CTIF: variants seen among roughly 807,000 people sequenced by gnomAD.
The protein encoded by CTIF is CBP80/20-dependent translation initiation factor.
A neutral mutation model predicts 66.0 loss-of-function variants in CTIF; 21 were observed. The observed-to-expected ratio is 0.32, with a 90% CI of 0.23 to 0.46. The LOEUF (loss-of-function observed/expected upper bound fraction) is 0.46, where lower values mean the gene tolerates loss of function less well. Among genes scored for constraint, CTIF ranks in the 20% least tolerant of loss-of-function variants. The pLI is 1.00. For synonymous variants in CTIF, 345 were observed against 326.4 expected, an observed-to-expected ratio of 1.06 and a Z score of -0.62; for missense variants, 739 against 812.7, an observed-to-expected ratio of 0.91 and a Z score of 1.10.
At chr18:48,574,000 G>A (rs148522118) in intron 1 of CTIF, among the ~76,000 whole-genome samples, 39 of 152,310 alleles carry the variant, frequency 2.6e-4, no homozygotes, top group African/African-American at 9.4e-4. Context: ...CACCTTCCAC[G>A]GAGTGGAGTC....
At chr18:48,616,585 C>A (rs188688254) in intron 1 of CTIF, among the ~76,000 whole-genome samples, 3 of 152,298 alleles carry the variant, frequency 2.0e-5, no homozygotes, top group African/African-American at 7.2e-5. Context: ...TCTGAACCTC[C>A]GTTTTCTCTT....
intron 7 of CTIF, among the ~76,000 whole-genome samples, chr18:48,726,028 A>G (rs1177603682): frequency 4.6e-5 from 7 of 152,138 alleles, no homozygotes; most frequent in Non-Finnish European, 8.8e-5. Context: ...CACCTCTTTG[A>G]GGCATGTTGC....
At chr18:48,577,120 C>T (rs2089550503) in intron 1 of CTIF, among the ~76,000 whole-genome samples, 1 of 152,184 alleles carries the variant, frequency 6.6e-6, no homozygotes, top group African/African-American at 2.4e-5. Flanking sequence ...AAATCACAAA[C>T]AGAAATTGTG....
chr18:48,575,183 CCAG>C (rs748493599), intron 1 of CTIF, among the ~76,000 whole-genome samples: 7 of 152,228 alleles, frequency 4.6e-5, no homozygotes, highest in Non-Finnish European at 1.0e-4. Context: ...GGCCTTGAGT[CCAG>C]CCACTTTTGT....
chr18:48,806,284 G>T (rs1339347586), intron 9 of CTIF, among the ~76,000 whole-genome samples: 2 of 152,188 alleles, frequency 1.3e-5, no homozygotes, highest in African/African-American at 4.8e-5. Flanking sequence ...GGAGAAGAAT[G>T]CCTGGGATTG....
chr18:48,730,444 TGGTGTGAGGGGCTTCCGC>T (rs1336565698), intron 7 of CTIF, among the ~76,000 whole-genome samples: 5 of 71,640 alleles, frequency 7.0e-5, no homozygotes, highest in Non-Finnish European at 9.8e-5. Context: ...GGGGCCCCTG[TGGTGTGAGGGGCTTCCGC>T]GGTGTGAGGG....
At chr18:48,707,022 TG>T (rs1292208902) in intron 6 of CTIF, among the ~76,000 whole-genome samples, 1 of 152,168 alleles carries the variant, frequency 6.6e-6, no homozygotes, top group Non-Finnish European at 1.5e-5. Context: ...GTAGTCCCAG[TG>T]TGCTACAGAG....
chr18:48,711,827 C>G (rs1376410524), intron 7 of CTIF, 132 bp downstream of exon 7: 7 of 740,124 alleles, frequency 9.5e-6, no homozygotes, highest in Admixed American at 2.1e-5. Flanking sequence ...TTGGTGGCAT[C>G]GTGGGTTGGT....
chr18:48,760,836 A>G (rs1025130819), intron 8 of CTIF: 7 of 153,398 alleles, frequency 4.6e-5, no homozygotes, highest in African/African-American at 1.7e-4. Context: ...CACAGTCTCC[A>G]CAGGACAAAA....
At chr18:48,563,638 A>G (rs756347404) in intron 1 of CTIF, among the ~76,000 whole-genome samples, 6 of 152,098 alleles carry the variant, frequency 3.9e-5, no homozygotes, top group Non-Finnish European at 7.4e-5. Flanking sequence ...CACCTGGCTA[A>G]TTTTTGTATT....
chr18:48,775,651 G>C (rs1910602706), intron 9 of CTIF, among the ~76,000 whole-genome samples: 1 of 152,268 alleles, frequency 6.6e-6, no homozygotes, highest in Non-Finnish European at 1.5e-5. Context: ...GGCAGGGCCA[G>C]CTCAGCCAGA....
chr18:48,855,249 G>A (rs2069301966), intron 10 of CTIF, among the ~76,000 whole-genome samples: 1 of 152,234 alleles, frequency 6.6e-6, no homozygotes, highest in African/African-American at 2.4e-5. Flanking sequence ...TCTGTAGTCT[G>A]ATTGATCTCT....
chr18:48,701,467 G>A (rs1054815491), intron 6 of CTIF, among the ~76,000 whole-genome samples: 8 of 152,110 alleles, frequency 5.3e-5, no homozygotes, highest in Non-Finnish European at 1.2e-4. Flanking sequence ...GAGAAGGCCC[G>A]TAGCCTTTTG....
At chr18:48,726,053 C>T (rs908946663) in intron 7 of CTIF, among the ~76,000 whole-genome samples, 21 of 152,194 alleles carry the variant, frequency 1.4e-4, no homozygotes, top group African/African-American at 2.9e-4. Flanking sequence ...CTATAAAATA[C>T]GATATCCACC....
At chr18:48,843,109 C>G (rs2068985728) in intron 10 of CTIF, among the ~76,000 whole-genome samples, 1 of 150,166 alleles carries the variant, frequency 6.7e-6, no homozygotes, top group African/African-American at 2.4e-5. Flanking sequence ...AGCCCCAGGA[C>G]TGGCCCCTGG....
At chr18:48,753,953 C>A (rs1051205410) in intron 7 of CTIF, among the ~76,000 whole-genome samples, 2 of 152,200 alleles carry the variant, frequency 1.3e-5, no homozygotes, top group Non-Finnish European at 2.9e-5. Flanking sequence ...AAACCCAGCG[C>A]CAGCAAATAC....
At position 48,859,928 on chromosome 18, in the gene CTIF, G is replaced by A. The variant is rs766305424; in HGVS notation, c.*369G>A. The A allele has an allele frequency of 5.3e-5, 26 of 488,146 alleles. No individual in the cohort carries two copies. Among genetic ancestry groups the A allele is most frequent in the South Asian group, 2.2e-4 (14 of 64,868 alleles). The allele number at this position is 488,146 out of a possible 1,614,324, so 30.2% of individuals were successfully genotyped here. ...ACTCCTCGGAGACCTTGGCAGCCTC[G>A]CACGCCGGGGCACCGCTTGGGTCAG... On this transcript the variant is annotated 3_prime_UTR_variant, in exon 12 of 12. Transcript: ENST00000256413.
At chr18:48,735,085 C>T (rs980988938) in intron 7 of CTIF, among the ~76,000 whole-genome samples, 1 of 142,974 alleles carries the variant, frequency 7.0e-6, no homozygotes, top group Non-Finnish European at 1.5e-5. Flanking sequence ...CATGTATGTC[C>T]AGTTTGTGTG....
chr18:48,712,927 T>C (rs1238249335), intron 7 of CTIF, among the ~76,000 whole-genome samples: 2 of 152,202 alleles, frequency 1.3e-5, no homozygotes, highest in Non-Finnish European at 2.9e-5. Context: ...TATAAGTAGC[T>C]TGGGAAGAAG....
Sources: allele counts gnomAD v4.1 joint callset (sites outside exome capture counted in the v4.1 genomes callset), GRCh38; gene constraint gnomAD v4.1.1; transcripts MANE v1.5; gene names NCBI Gene and HGNC (gene_info 2026-07-23, HGNC 2026-07-21).